The following BMAL2 variants were observed in gnomAD, a reference collection of about 807,000 sequenced individuals.
BMAL2 encodes basic helix-loop-helix ARNT-like protein 2.
At chr12:27,360,910 T>C in the BMAL2 span, among the ~76,000 whole-genome samples, 1 of 151,374 alleles carries the variant, frequency 6.6e-6, no homozygotes, top group African/African-American at 2.4e-5. Context: ...AAAGGCCACT[T>C]TCATTTCTCA....
chr12:27,409,835 A>G, the BMAL2 span, among the ~76,000 whole-genome samples: 4 of 152,218 alleles, frequency 2.6e-5, no homozygotes, highest in Admixed American at 2.0e-4. Context: ...AAATTTTTGC[A>G]ATCTACTCAT....
chr12:27,370,185 A>G, the BMAL2 span: 3 of 1,614,052 alleles, frequency 1.9e-6, no homozygotes, highest in South Asian at 1.1e-5. Flanking sequence ...CCCCTTACCT[A>G]TCTTCTTTCA....
chr12:27,373,155 G>C, the BMAL2 span, among the ~76,000 whole-genome samples: 4 of 152,102 alleles, frequency 2.6e-5, no homozygotes, highest in Non-Finnish European at 4.4e-5. Context: ...TCTGAGCATC[G>C]ATCAAAGAGA....
At chr12:27,365,926 TTTAC>T in the BMAL2 span, among the ~76,000 whole-genome samples, 2 of 151,894 alleles carry the variant, frequency 1.3e-5, no homozygotes, top group Admixed American at 6.6e-5. Flanking sequence ...TCTTAAATTA[TTTAC>T]TTATTATATT....
the BMAL2 span, chr12:27,418,177 C>A: frequency 2.5e-6 from 4 of 1,610,126 alleles, no homozygotes; most frequent in East Asian, 4.5e-5. Flanking sequence ...TTGCTGTCCA[C>A]AGCCATGAGC....
At chr12:27,410,762 T>A in the BMAL2 span, among the ~76,000 whole-genome samples, 1 of 152,026 alleles carries the variant, frequency 6.6e-6, no homozygotes, top group Non-Finnish European at 1.5e-5. Flanking sequence ...AATAATAATT[T>A]TTAAAAATAA....
chr12:27,333,215 G>T, the BMAL2 span: 25 of 1,057,000 alleles, frequency 2.4e-5, no homozygotes, highest in Non-Finnish European at 2.8e-5. Context: ...GGAAGCGCCC[G>T]CGCCTGTCCT....
chr12:27,417,003 TATC>T, the BMAL2 span, among the ~76,000 whole-genome samples: 1 of 152,300 alleles, frequency 6.6e-6, no homozygotes, highest in African/African-American at 2.4e-5. Context: ...TTTATACAAA[TATC>T]ATGTCTTCTG....
the BMAL2 span, chr12:27,415,729 T>A: frequency 1.6e-6 from 1 of 641,486 alleles, no homozygotes; most frequent in East Asian, 2.9e-5. Context: ...AGTAAGTCAG[T>A]CTAATTGTGA....
At chr12:27,332,969 G>T in the BMAL2 span, 1 of 946,430 alleles carries the variant, frequency 1.1e-6, no homozygotes, top group Non-Finnish European at 1.3e-6. Flanking sequence ...GCCAGTCCCC[G>T]CTTCCCTGCT....
the BMAL2 span, chr12:27,389,856 C>T: frequency 2.9e-6 from 1 of 348,692 alleles, no homozygotes; most frequent in Non-Finnish European, 5.1e-6. Context: ...TGTTCTTCCC[C>T]ATTTGAGGAA....
chr12:27,342,661 T>C, the BMAL2 span, among the ~76,000 whole-genome samples: 915 of 152,382 alleles, frequency 6.0e-3, 6 homozygotes, highest in African/African-American at 0.021. Context: ...GCTCCCTGGT[T>C]GGAGAATTAA....
the BMAL2 span, chr12:27,402,798 G>T: frequency 2.2e-6 from 2 of 921,968 alleles, no homozygotes; most frequent in Non-Finnish European, 3.1e-6. Flanking sequence ...AGTTCTGCAG[G>T]TTGGGTTATA....
chr12:27,351,722 T>C, the BMAL2 span, among the ~76,000 whole-genome samples: 1 of 152,224 alleles, frequency 6.6e-6, no homozygotes, highest in Non-Finnish European at 1.5e-5. Context: ...TCAAGACTCT[T>C]GCCCTCAGTT....
the BMAL2 span, among the ~76,000 whole-genome samples, chr12:27,379,945 A>G: frequency 7.9e-5 from 12 of 152,222 alleles, no homozygotes; most frequent in Non-Finnish European, 1.5e-4. Flanking sequence ...AAGGGCACCC[A>G]TCTCTTCTCT....
chr12:27,410,076 A>T, the BMAL2 span, among the ~76,000 whole-genome samples: 1 of 151,846 alleles, frequency 6.6e-6, no homozygotes, highest in Non-Finnish European at 1.5e-5. Flanking sequence ...AATGGCGATC[A>T]TTAAAAAGTC....
the BMAL2 span, among the ~76,000 whole-genome samples, chr12:27,337,942 T>G: frequency 6.6e-6 from 1 of 152,210 alleles, no homozygotes; most frequent in African/African-American, 2.4e-5. Flanking sequence ...CCCTCCTATT[T>G]TCACACTGTA....
the BMAL2 span, among the ~76,000 whole-genome samples, chr12:27,363,651 T>G: frequency 6.6e-6 from 1 of 152,226 alleles, no homozygotes; most frequent in Non-Finnish European, 1.5e-5. Context: ...AGTTTTCTAT[T>G]GAGAGTCATT....
chr12:27,333,214 C>G, the BMAL2 span: 5 of 1,054,476 alleles, frequency 4.7e-6, no homozygotes, highest in Non-Finnish European at 5.8e-6. Flanking sequence ...GGGAAGCGCC[C>G]GCGCCTGTCC....
Sources: allele counts gnomAD v4.1 joint callset (sites outside exome capture counted in the v4.1 genomes callset), GRCh38; gene constraint gnomAD v4.1.1; transcripts MANE v1.5; gene names NCBI Gene and HGNC (gene_info 2026-07-23, HGNC 2026-07-21).